Variants in SLC12A8 observed in about 807,000 individuals in gnomAD.
SLC12A8 encodes cation-chloride cotransporter 9.
Under a neutral mutation model 75.6 loss-of-function variants are expected in SLC12A8, and 69 were observed. That is an observed-to-expected ratio of 0.91 (90% CI 0.75 to 1.11). The LOEUF (loss-of-function observed/expected upper bound fraction) is 1.11, where lower values mean the gene tolerates loss of function less well. SLC12A8 is among the 50% of genes most tolerant of loss of function. SLC12A8 has a pLI of 0.00. For missense variants in SLC12A8, 877 were observed against 896.7 expected, an observed-to-expected ratio of 0.98 and a Z score of 0.28; for synonymous variants, 365 against 372.8, an observed-to-expected ratio of 0.98 and a Z score of 0.24.
chr3:125,176,622 G>T (rs1427641527), intron 5 of SLC12A8, among the ~76,000 whole-genome samples: 4 of 151,848 alleles, frequency 2.6e-5, no homozygotes, highest in East Asian at 1.9e-4. Context: ...TCAAACAAAT[G>T]TACAAGAAAA....
At chr3:125,160,168 T>C (rs1289582430) in intron 5 of SLC12A8, among the ~76,000 whole-genome samples, 1 of 151,986 alleles carries the variant, frequency 6.6e-6, no homozygotes, top group African/African-American at 2.4e-5. Context: ...GGTCTCGAAC[T>C]CCTGGGCTCA....
intron 6 of SLC12A8, among the ~76,000 whole-genome samples, chr3:125,132,515 G>A (rs1933385106): frequency 6.6e-6 from 1 of 152,198 alleles, no homozygotes; most frequent in Admixed American, 6.5e-5. Flanking sequence ...AGAGGGCACT[G>A]GAAAGAAAGA....
intron 5 of SLC12A8, among the ~76,000 whole-genome samples, chr3:125,156,412 A>G (rs966887582): frequency 4.6e-5 from 7 of 152,216 alleles, no homozygotes; most frequent in Non-Finnish European, 2.9e-5. Flanking sequence ...TCATGTAGCC[A>G]GTGGCGCGAG....
intron 5 of SLC12A8, among the ~76,000 whole-genome samples, chr3:125,148,644 C>T (rs1433478874): frequency 6.6e-6 from 1 of 152,166 alleles, no homozygotes; most frequent in Non-Finnish European, 1.5e-5. Flanking sequence ...ACCCCCAACC[C>T]TCGGCCAGCA....
At position 125,166,808 on chromosome 3, in the gene SLC12A8, ATTAT is replaced by A. The variant is rs561910421; in HGVS notation, c.622+10931_622+10934del. ...GCACAATCATTCACTCACCATTCAA[ATTAT>A]TTATCAAGTGAAAGGATCCATGCGG... On this transcript the variant is annotated intron_variant, in intron 5 of 13. Transcript: ENST00000469902. 1.3e-3 allele frequency among the ~76,000 whole-genome samples: 198 copies of A among 152,360 alleles called. 1 individual carries two copies. The highest frequency in any genetic ancestry group is 4.0e-3 in the African/African-American group (166 of 41,588).
Position 125,209,172 on chromosome 3 carries a change from T to A in SLC12A8, c.51+2127A>T, listed in dbSNP as rs117902309. 9.7e-4 allele frequency among the ~76,000 whole-genome samples: 147 copies of A among 152,296 alleles called. 1 individual carries two copies. In the East Asian group the frequency reaches 0.023, roughly 23 times the overall value. On this transcript the variant is annotated intron_variant, in intron 2 of 13. Coordinates refer to ENST00000469902, the MANE Select transcript of SLC12A8 (RefSeq NM_024628.6). ...CCAGCATTTTAGCCACCTAACTTAC[T>A]CTCTGTTCCCACGCAGAGGTCCTTA...
At chr3:125,180,947 G>A (rs919937962) in intron 4 of SLC12A8, among the ~76,000 whole-genome samples, 4 of 152,310 alleles carry the variant, frequency 2.6e-5, no homozygotes, top group Non-Finnish European at 4.4e-5. Flanking sequence ...TTTATGGAGA[G>A]TAGGAAAGTA....
intron 8 of SLC12A8, among the ~76,000 whole-genome samples, chr3:125,111,140 T>G (rs1425995727): frequency 1.3e-5 from 2 of 152,198 alleles, no homozygotes; most frequent in South Asian, 2.1e-4. Flanking sequence ...CCTATCGTGG[T>G]GCCCCCTCCA....
chr3:125,174,057 A>G (rs1022538894), intron 5 of SLC12A8, among the ~76,000 whole-genome samples: 1 of 152,238 alleles, frequency 6.6e-6, no homozygotes, highest in African/African-American at 2.4e-5. Context: ...GTGCCACTGC[A>G]CTCCAGCCTG....
intron 6 of SLC12A8, among the ~76,000 whole-genome samples, chr3:125,133,158 A>G (rs1212126805): frequency 6.6e-6 from 1 of 152,162 alleles, no homozygotes; most frequent in African/African-American, 2.4e-5. Flanking sequence ...GGGAAAGGCT[A>G]TTGCTATAAG....
chr3:125,146,956 A>G (rs771809679), intron 5 of SLC12A8, among the ~76,000 whole-genome samples: 3 of 152,210 alleles, frequency 2.0e-5, no homozygotes, highest in African/African-American at 7.2e-5. Flanking sequence ...GTAGGCAGAA[A>G]TCACTGTGTG....
In SLC12A8 at chr3:125,145,145, C is replaced by T. The variant is rs76466801; in HGVS notation, c.623-9363G>A. 1.1e-3 allele frequency among the ~76,000 whole-genome samples: 170 copies of T among 152,284 alleles called. 5 individuals carry two copies. The South Asian group carries it at 0.018, about 16-fold the overall frequency. On this transcript the variant is annotated intron_variant, in intron 5 of 13. Coordinates refer to ENST00000469902, the MANE Select transcript of SLC12A8 (RefSeq NM_024628.6). ...GCTGAGGCCTGAGAAAGGAGATGCC[C>T]ACGTCACAAAGTTAGCAGCTGCTCA...
chr3:125,114,393 C>CA (rs1234785393), intron 8 of SLC12A8, among the ~76,000 whole-genome samples: 3 of 152,314 alleles, frequency 2.0e-5, no homozygotes, highest in African/African-American at 7.2e-5. Context: ...ATCCAGGAAT[C>CA]AGAGTTTGCT....
rs1934886882 is a variant in SLC12A8 at position 125,190,390 on chromosome 3, C to T, written c.183G>A (p.Arg61=). The T allele has an allele frequency of 6.2e-7, 1 of 1,614,058 alleles. No individual in the cohort carries two copies. Among genetic ancestry groups the T allele is most frequent in the African/African-American group, 1.3e-5 (1 of 74,924 alleles). ...CAGCACTCACCACCAGCCAGCCAGT[C>T]CTCAGGAAGAGCACAACCCCAAAGA... ...INIFGVVLFL[R]TGWLVGNTGV... is the part of the protein sequence containing the mutation. The change falls in exon 3 of 14, where the codon AGG becomes AGA. Residue 61 remains arginine, a synonymous_variant. Coordinates refer to ENST00000469902, the MANE Select transcript of SLC12A8 (RefSeq NM_024628.6).
At chr3:125,208,575 T>C (rs1228487930) in intron 2 of SLC12A8, among the ~76,000 whole-genome samples, 1 of 152,004 alleles carries the variant, frequency 6.6e-6, no homozygotes, top group Non-Finnish European at 1.5e-5. Context: ...CACTGGGCAG[T>C]CATTTTGTAG....
At chr3:125,162,535 G>T (rs1283105871) in intron 5 of SLC12A8, among the ~76,000 whole-genome samples, 1 of 152,176 alleles carries the variant, frequency 6.6e-6, no homozygotes, top group Non-Finnish European at 1.5e-5. Context: ...TCCACCTCCT[G>T]GGTTTCATCC....
At chr3:125,110,131 G>C in intron 9 of SLC12A8, 58 bp downstream of exon 9, 3 of 1,549,752 alleles carry the variant, frequency 1.9e-6, no homozygotes, top group African/African-American at 1.4e-5. Flanking sequence ...TGGGCCAACA[G>C]TGAGGTTAGC....
chr3:125,156,062 G>A (rs748087034), intron 5 of SLC12A8, among the ~76,000 whole-genome samples: 2 of 152,142 alleles, frequency 1.3e-5, no homozygotes, highest in East Asian at 1.9e-4. Context: ...TCCAGGCCCC[G>A]GGCCAGGCAG....
intron 6 of SLC12A8, among the ~76,000 whole-genome samples, chr3:125,124,405 C>A (rs1054345981): frequency 2.6e-5 from 4 of 152,150 alleles, no homozygotes; most frequent in African/African-American, 9.7e-5. Flanking sequence ...TGGCTCACTG[C>A]AACCTCCGCC....
Sources: gnomAD v4.1 joint callset for allele counts (sites outside exome capture counted in the v4.1 genomes callset) on GRCh38, gnomAD v4.1.1 for gene constraint, MANE v1.5 for transcripts, NCBI Gene and HGNC (gene_info 2026-07-23, HGNC 2026-07-21) for gene names.